Variants in OSMR observed in about 807,000 individuals in gnomAD.
OSMR encodes oncostatin M receptor.
Under a neutral mutation model 99.9 loss-of-function variants are expected in OSMR, and 81 were observed. The ratio of observed to expected loss-of-function variants is 0.81; its 90% confidence interval spans 0.68 to 0.97. OSMR has a LOEUF of 0.97. OSMR is among the 50% of genes least tolerant of loss of function. OSMR has a pLI of 0.00. For missense variants in OSMR, 1,099 were observed against 1,153.4 expected (o/e 0.95, Z 0.68); for synonymous variants, 406 against 410.4 (o/e 0.99, Z 0.13).
At chr5:38,926,596 T>G (rs1022188580) in intron 15 of OSMR, among the ~76,000 whole-genome samples, 3 of 152,122 alleles carry the variant, frequency 2.0e-5, no homozygotes, top group African/African-American at 7.2e-5. Flanking sequence ...GAGAACAGCA[T>G]GGGGGTAACT....
intron 7 of OSMR, among the ~76,000 whole-genome samples, chr5:38,895,692 T>G (rs1167724063): frequency 6.6e-6 from 1 of 152,002 alleles, no homozygotes; most frequent in Non-Finnish European, 1.5e-5. Flanking sequence ...CTGTGGTTGT[T>G]GGGTATTACT....
At chr5:38,900,584 T>C (rs1372881817) in intron 7 of OSMR, among the ~76,000 whole-genome samples, 1 of 152,174 alleles carries the variant, frequency 6.6e-6, no homozygotes. Flanking sequence ...GAGTAGACAT[T>C]GCAATGGGAA....
At chr5:38,897,434 A>G (rs1000308180) in intron 7 of OSMR, among the ~76,000 whole-genome samples, 3 of 152,058 alleles carry the variant, frequency 2.0e-5, no homozygotes, top group Non-Finnish European at 2.9e-5. Context: ...TTATTGCCAT[A>G]TAATTGCTCA....
Position 38,919,032 on chromosome 5 carries a change from G to A in OSMR, c.1555G>A (p.Val519Ile), listed in dbSNP as rs1746090816. The A allele has an allele frequency of 6.2e-7, 1 of 1,614,010 alleles. No homozygotes were observed. The highest frequency in any genetic ancestry group is 8.5e-7 in the Non-Finnish European group (1 of 1,179,906). ...CAGTGTGGGTGCTTCTCCTGCTTCTGTAATAGTCATCTCTGCAGACCCCGA... is the reference window on the plus strand; with the variant it reads ...CAGTGTGGGTGCTTCTCCTGCTTCTATAATAGTCATCTCTGCAGACCCCGA... ...NNSVGASPAS[V>I]IVISADPENK... The change falls in exon 11 of 18, where the codon GTA becomes ATA. Residue 519 changes from valine to isoleucine, a missense_variant. Coordinates refer to ENST00000274276, the MANE Select transcript of OSMR (RefSeq NM_003999.3).
intron 1 of OSMR, among the ~76,000 whole-genome samples, chr5:38,865,466 G>A (rs1312537524): frequency 6.6e-6 from 1 of 152,200 alleles, no homozygotes; most frequent in African/African-American, 2.4e-5. Context: ...GATTCTGGCT[G>A]GACACAGTAG....
chr5:38,871,803 GT>G (rs1356069540), intron 2 of OSMR, among the ~76,000 whole-genome samples: 1 of 152,104 alleles, frequency 6.6e-6, no homozygotes, highest in Non-Finnish European at 1.5e-5. Flanking sequence ...CATATGATGA[GT>G]GTTTTTCTTT....
In OSMR at chr5:38,876,461, G is replaced by C. The variant is rs533181293; in HGVS notation, c.246+88G>C. Reference sequence around the variant, plus strand: ...CTTTTATAACATCTGAAAAATTCTCGTTTTGGAAATATATTAGCAGCTCAA... The same window carrying C: ...CTTTTATAACATCTGAAAAATTCTCCTTTTGGAAATATATTAGCAGCTCAA... On this transcript the variant is annotated intron_variant, in intron 3 of 17. Coordinates refer to ENST00000274276, the MANE Select transcript of OSMR (RefSeq NM_003999.3). 214 of 1,110,352 alleles carry C rather than the reference G, an allele frequency of 1.9e-4. 1 individual carries two copies. Among genetic ancestry groups the C allele is most frequent in the Admixed American group, 1.3e-3 (66 of 49,106 alleles). The allele number at this position is 1,110,352 out of a possible 1,614,324, so 68.8% of individuals were successfully genotyped here. A position where few individuals can be genotyped will look rare whatever the true frequency, so the allele number is the denominator to read the frequency against.
intron 3 of OSMR, among the ~76,000 whole-genome samples, chr5:38,879,164 G>C (rs1489002612): frequency 2.6e-5 from 4 of 152,232 alleles, no homozygotes; most frequent in Non-Finnish European, 5.9e-5. Context: ...AGTTACTTTA[G>C]CAAGTAGAGT....
At position 38,921,756 on chromosome 5, in the gene OSMR, A is replaced by G. The variant is rs1455569734; in HGVS notation, c.1727A>G (p.Asn576Ser). Reference sequence around the variant, plus strand: ...GTGCTCGGTGATTTCCAGTGGAAGAATGTAGGTCCCAATACCACAAGCACA... The same window carrying G: ...GTGCTCGGTGATTTCCAGTGGAAGAGTGTAGGTCCCAATACCACAAGCACA... ...QDVLGDFQWKNVGPNTTSTVI... is the reference protein window; with the variant it reads ...QDVLGDFQWKSVGPNTTSTVI... The change falls in exon 12 of 18, where the codon AAT (asparagine) becomes AGT (serine). Residue 576 changes from asparagine (N) to serine (S), a missense_variant. Transcript: ENST00000274276. 1.2e-6 allele frequency: 2 copies of G among 1,614,144 alleles called. No homozygotes were observed. The highest frequency in any genetic ancestry group is 1.7e-6 in the Non-Finnish European group (2 of 1,180,016).
chr5:38,919,199 T>G (rs1465813067), intron 11 of OSMR, 137 bp downstream of exon 11: 2 of 1,539,074 alleles, frequency 1.3e-6, no homozygotes, highest in South Asian at 1.2e-5. Flanking sequence ...CATTTTCTTT[T>G]GGGCCAGGTG....
At chr5:38,945,352 C>T (rs1748072140), downstream of OSMR, 5 of 639,946 alleles carry the variant, frequency 7.8e-6, no homozygotes, top group Admixed American at 1.5e-4. Context: ...CTCAGCATAA[C>T]ATAATTTGGC....
intron 5 of OSMR, chr5:38,885,048 A>G (rs1174255358): frequency 7.2e-6 from 2 of 277,260 alleles, no homozygotes; most frequent in African/African-American, 2.3e-5. Flanking sequence ...GAAATGAAAC[A>G]TTGGCAGGCA....
chr5:38,895,956 TA>T (rs1744482645), intron 7 of OSMR, among the ~76,000 whole-genome samples: 1 of 151,984 alleles, frequency 6.6e-6, no homozygotes, highest in South Asian at 2.1e-4. Context: ...AAAATAAGTT[TA>T]CTGTAGATGT....
chr5:38,917,286 G>A (rs1252406989), intron 9 of OSMR: 1 of 280,354 alleles, frequency 3.6e-6, no homozygotes, highest in African/African-American at 2.3e-5. Flanking sequence ...AAACTTCTTT[G>A]GTAGTTGTAT....
At chr5:38,888,340 AGGC>A (rs1743933127) in intron 7 of OSMR, among the ~76,000 whole-genome samples, 1 of 149,608 alleles carries the variant, frequency 6.7e-6, no homozygotes, top group South Asian at 2.2e-4. Flanking sequence ...GCAAGGAAGA[AGGC>A]GGCCCGAATT....
chr5:38,929,304 C>T (rs983418632), intron 15 of OSMR, among the ~76,000 whole-genome samples: 1 of 152,112 alleles, frequency 6.6e-6, no homozygotes, highest in Admixed American at 6.5e-5. Context: ...AATCCTTTCT[C>T]TTTGTAAATT....
intron 2 of OSMR, 49 bp downstream of exon 2, chr5:38,869,166 T>C: frequency 7.6e-7 from 1 of 1,311,508 alleles, no homozygotes; most frequent in South Asian, 1.2e-5. Flanking sequence ...CGGGAACAAA[T>C]GAAGTCATTG....
chr5:38,883,424 T>C (rs1215488028), intron 4 of OSMR, among the ~76,000 whole-genome samples: 3 of 152,220 alleles, frequency 2.0e-5, no homozygotes, highest in African/African-American at 7.2e-5. Context: ...CTGAGCAAAC[T>C]TTGGCTAAGT....
At chr5:38,894,293 T>A (rs918324867) in intron 7 of OSMR, among the ~76,000 whole-genome samples, 2 of 151,782 alleles carry the variant, frequency 1.3e-5, no homozygotes, top group African/African-American at 4.8e-5. Flanking sequence ...AGCTAACAAC[T>A]TCACAATAGG....
Sources: gnomAD v4.1 joint callset for allele counts (sites outside exome capture counted in the v4.1 genomes callset) on GRCh38, gnomAD v4.1.1 for gene constraint, MANE v1.5 for transcripts, NCBI Gene and HGNC (gene_info 2026-07-23, HGNC 2026-07-21) for gene names.